Variants in UTS2R observed in about 807,000 individuals in gnomAD.
UTS2R encodes the protein urotensin-2 receptor.
For synonymous variants in UTS2R, 335 were observed against 280.9 expected (o/e 1.19, Z -1.93); for missense variants, 653 against 562.2 (o/e 1.16, Z -1.63).
intron 1 of UTS2R, among the ~76,000 whole-genome samples, 41 bp downstream of exon 1, chr17:82,372,088 C>A (rs934442390): frequency 5.9e-5 from 9 of 152,140 alleles, no homozygotes; most frequent in Non-Finnish European, 1.0e-4. Context: ...CGGGGACTGC[C>A]GGGTCTGTGC....
At position 82,375,618 on chromosome 17, in the gene UTS2R, C is replaced by G; in HGVS notation, c.*124C>G. On this transcript the variant is annotated 3_prime_UTR_variant, in exon 3 of 3. Coordinates refer to ENST00000313135, the MANE Select transcript of UTS2R (RefSeq NM_018949.3). The stretch of plus-strand genomic sequence containing the variant: ...TCCTCCGTCCCCTTCTGGAAAGATC[C>G]TGCTCGCTTCCCCTCAGCGCCCTTC... 2.0e-6 allele frequency: 1 copy of G among 509,502 alleles called. No homozygotes were observed. The highest frequency in any genetic ancestry group is 3.6e-5 in the East Asian group (1 of 28,088). The allele number at this position is 509,502 out of a possible 1,614,324, so 31.6% of individuals were successfully genotyped here. A position where few individuals can be genotyped will look rare whatever the true frequency, so the allele number is the denominator to read the frequency against.
rs551202676 is a variant in UTS2R, at chr17:82,374,370, G to A, written c.46G>A (p.Ala16Thr). 3.1e-5 allele frequency: 49 copies of A among 1,585,998 alleles called. No individual in the cohort carries two copies. Among genetic ancestry groups the A allele is most frequent in the African/African-American group, 9.4e-5 (7 of 74,530 alleles). ...ESPSSFPGLA[A>T]TGSSVPEPPG... ...CCCGAGCAGCTTCCCTGGGCTGGCC[G>A]CCACTGGCAGCTCTGTGCCGGAGCC... The change falls in exon 3 of 3, where the codon GCC becomes ACC. Residue 16 changes from alanine (A) to threonine (T), a missense_variant. Ala to Thr is a moderately conservative substitution (Grantham distance 58). Coordinates refer to ENST00000313135, the MANE Select transcript of UTS2R (RefSeq NM_018949.3).
In UTS2R at chr17:82,373,381, C is replaced by T. The variant is rs539944499; in HGVS notation, c.-83+598C>T. 1.5e-3 allele frequency among the ~76,000 whole-genome samples: 230 copies of T among 152,234 alleles called. 1 individual carries two copies. The highest frequency in any genetic ancestry group is 5.3e-3 in the African/African-American group (219 of 41,526). ...TTCGAGATGTTGGCCAGGCCGGTTT[C>T]GAACTCCTGACCTCAGGTGATCCAC... On this transcript the variant is annotated intron_variant, in intron 2 of 2. Coordinates refer to ENST00000313135, the MANE Select transcript of UTS2R (RefSeq NM_018949.3).
Position 82,375,051 on chromosome 17 carries a change from C to CA in UTS2R, c.727_728insA (p.Arg243GlnfsTer126). 3.5e-6 allele frequency: 5 copies of CA among 1,421,198 alleles called. No homozygotes were observed. The highest frequency in any genetic ancestry group is 4.6e-6 in the Non-Finnish European group (5 of 1,090,474). 88.0% of individuals were successfully genotyped at this position (1,421,198 alleles called of 1,614,324 possible). ...GGCCCGCGCCTACCGCCGCTCGCAGCGCGCCTCCTTCAAGCGGGCCCGGCG... is the reference window on the plus strand; with the variant it reads ...GGCCCGCGCCTACCGCCGCTCGCAGCAGCGCCTCCTTCAAGCGGGCCCGGCG... On this transcript the variant is annotated frameshift_variant, in exon 3 of 3. Transcript: ENST00000313135. LOFTEE classifies it low-confidence loss of function (END_TRUNC).
chr17:82,377,313 G>A lies in UTS2R; in HGVS notation c.*1819G>A, dbSNP rs2052504326. ...CCACTCCCTAATCTCAAGTACCCAGGGACACAAACACTGCGGAAGGCCGCA... is the reference window on the plus strand; with the variant it reads ...CCACTCCCTAATCTCAAGTACCCAGAGACACAAACACTGCGGAAGGCCGCA... On this transcript the variant is annotated 3_prime_UTR_variant, in exon 3 of 3. Transcript: ENST00000313135. Among the ~76,000 whole-genome samples the A allele has an allele frequency of 6.6e-6, 1 of 151,936 alleles. No homozygotes were observed. Among genetic ancestry groups the A allele is most frequent in the Non-Finnish European group, 1.5e-5 (1 of 67,972 alleles).
Position 82,374,532 on chromosome 17 carries a change from G to C in UTS2R, c.208G>C (p.Ala70Pro), listed in dbSNP as rs34442190. Residue 70 changes from alanine (A) to proline (P), a missense_variant, in exon 3 of 3, where the codon GCC becomes CCC. Physicochemically the swap from Ala to Pro is conservative, Grantham distance 27. Transcript: ENST00000313135. ...AMGVVGVVGN[A>P]YTLVVTCRSL... ...GGGCGTGGTGGGCGTGGTGGGCAAC[G>C]CCTACACGCTGGTGGTCACCTGCCG... The C allele has an allele frequency of 6.3e-7, 1 of 1,582,228 alleles. No homozygotes were observed. The highest frequency in any genetic ancestry group is 8.6e-7 in the Non-Finnish European group (1 of 1,165,084).
chr17:82,375,279 A>G lies in UTS2R; in HGVS notation c.955A>G (p.Thr319Ala). ...CAACCCCTTCCTCTACACGCTGCTCACCAGGAACTACCGCGACCACCTGCG... is the reference window on the plus strand; with the variant it reads ...CAACCCCTTCCTCTACACGCTGCTCGCCAGGAACTACCGCGACCACCTGCG... ...CANPFLYTLL[T>A]RNYRDHLRGR... The change falls in exon 3 of 3, where the codon ACC becomes GCC. Residue 319 changes from threonine to alanine, a missense_variant. Physicochemically the swap from Thr to Ala is moderately conservative, Grantham distance 58 (BLOSUM62 0). Coordinates refer to ENST00000313135, the MANE Select transcript of UTS2R (RefSeq NM_018949.3). 1 of 1,561,874 alleles carries G rather than the reference A, an allele frequency of 6.4e-7. No homozygotes were observed. The highest frequency in any genetic ancestry group is 8.7e-7 in the Non-Finnish European group (1 of 1,155,412).
At position 82,374,505 on chromosome 17, in the gene UTS2R, A is replaced by ATGGGCGTGG. The variant is rs760868278; in HGVS notation, c.196_204dup (p.Val66_Gly68dup). 27 of 1,588,008 alleles carry ATGGGCGTGG rather than the reference A, an allele frequency of 1.7e-5. No individual in the cohort carries two copies. The highest frequency in any genetic ancestry group is 5.4e-5 in the African/African-American group (4 of 74,542). On this transcript the variant is annotated inframe_insertion, in exon 3 of 3. Coordinates refer to ENST00000313135, the MANE Select transcript of UTS2R (RefSeq NM_018949.3). Reference sequence around the variant, plus strand: ...CACCATTGGGACTCTGCTGTCGGCCATGGGCGTGGTGGGCGTGGTGGGCAA... The same window carrying ATGGGCGTGG: ...CACCATTGGGACTCTGCTGTCGGCCATGGGCGTGGTGGGCGTGGTGGGCGTGGTGGGCAA...
chr17:82,373,394 T>C (rs1031180861), intron 2 of UTS2R, among the ~76,000 whole-genome samples: 15 of 152,178 alleles, frequency 9.9e-5, no homozygotes, highest in African/African-American at 3.6e-4. Context: ...ACTCCTGACC[T>C]CAGGTGATCC....
rs2052453420 is a variant in UTS2R, at chr17:82,371,802, A to G, written c.-514A>G. On this transcript the variant is annotated 5_prime_UTR_variant, in exon 1 of 3. Coordinates refer to ENST00000313135, the MANE Select transcript of UTS2R (RefSeq NM_018949.3). This position sits in a 1 kb window ranked among gnomAD's most constrained non-coding sequence, Gnocchi z 6.3. ...GGCGGCGGGCAGGTGGCGGCGGCGC[A>G]GAGACCCGGCGCGGGGCGGGGGGCG... is the stretch of plus-strand genomic sequence containing the variant. Among the ~76,000 whole-genome samples the G allele has an allele frequency of 6.6e-6, 1 of 151,122 alleles. No individual in the cohort carries two copies. The highest frequency in any genetic ancestry group is 1.5e-5 in the Non-Finnish European group (1 of 67,704).
At position 82,374,706 on chromosome 17, in the gene UTS2R, G is replaced by C. The variant is rs200852955; in HGVS notation, c.382G>C (p.Gly128Arg). 1.1e-5 allele frequency: 18 copies of C among 1,613,110 alleles called. No homozygotes were observed. The highest frequency in any genetic ancestry group is 1.5e-5 in the Non-Finnish European group (18 of 1,179,918). Residue 128 changes from glycine to arginine, a missense_variant, in exon 3 of 3, where the codon GGC (glycine) becomes CGC (arginine). Transcript: ENST00000313135. ...FGDVGCRVLF[G>R]LDFLTMHASI... ...GGACGTGGGCTGCCGCGTGCTCTTC[G>C]GCCTGGACTTCCTGACCATGCACGC...
chr17:82,374,156 G>T (rs1043705462), intron 2 of UTS2R, 87 bp from the exon 3 acceptor site: 1 of 609,076 alleles, frequency 1.6e-6, no homozygotes, highest in East Asian at 2.8e-5. Context: ...GGGCACTGGG[G>T]AGCCCACGTG....
Position 82,374,962 on chromosome 17 carries a change from C to T in UTS2R, c.638C>T (p.Thr213Met), listed in dbSNP as rs2052480229. Residue 213 changes from threonine to methionine, a missense_variant, in exon 3 of 3, where the codon ACG becomes ATG. Thr to Met is a moderately conservative substitution (Grantham distance 81). Transcript: ENST00000313135. ...WGPRAHRAYL[T>M]LLFATSIAGP... is the part of the protein sequence containing the mutation. ...CCGCGCGCCCACCGCGCCTACCTGA[C>T]GCTGCTCTTCGCCACCAGCATCGCG... The T allele has an allele frequency of 8.7e-7, 1 of 1,147,540 alleles. No individual in the cohort carries two copies. The allele number at this position is 1,147,540 out of a possible 1,614,324, so 71.1% of individuals were successfully genotyped here. A position where few individuals can be genotyped will look rare whatever the true frequency, so the allele number is the denominator to read the frequency against.
Position 82,374,411 on chromosome 17 carries a change from C to G in UTS2R, c.87C>G (p.Asn29Lys). The change falls in exon 3 of 3, where the codon AAC becomes AAG. Residue 29 changes from asparagine (N) to lysine (K), a missense_variant. Coordinates refer to ENST00000313135, the MANE Select transcript of UTS2R (RefSeq NM_018949.3). ...TGCCGGAGCCGCCTGGCGGCCCCAACGCAACCCTCAACAGCTCCTGGGCCA... is the reference window on the plus strand; with the variant it reads ...TGCCGGAGCCGCCTGGCGGCCCCAAGGCAACCCTCAACAGCTCCTGGGCCA... ...SSVPEPPGGPNATLNSSWASP... is the reference protein window; with the variant it reads ...SSVPEPPGGPKATLNSSWASP... The G allele has an allele frequency of 3.8e-6, 6 of 1,596,550 alleles. No homozygotes were observed. Among genetic ancestry groups the G allele is most frequent in the South Asian group, 1.1e-5 (1 of 89,676 alleles).
In UTS2R at chr17:82,374,049, C is replaced by T. The variant is rs114878871; in HGVS notation, c.-82-194C>T. Among the ~76,000 whole-genome samples, 937 of 97,220 alleles carry T rather than the reference C, an allele frequency of 9.6e-3. 12 individuals carry two copies. Among genetic ancestry groups the T allele is most frequent in the African/African-American group, 0.034 (871 of 25,692 alleles). 63.8% of individuals were successfully genotyped at this position (97,220 alleles called of 152,430 possible). A position where few individuals can be genotyped will look rare whatever the true frequency, so the allele number is the denominator to read the frequency against. ...GGGGGGGGCAGGGGTCCTGCTGGGG[C>T]ATGCGGGGGTCGGGGAGGGGGGTTG... On this transcript the variant is annotated intron_variant, in intron 2 of 2. Transcript: ENST00000313135.
Position 82,377,237 on chromosome 17 carries a change from G to A in UTS2R, c.*1743G>A, listed in dbSNP as rs1440352068. 6.6e-6 allele frequency among the ~76,000 whole-genome samples: 1 copy of A among 152,160 alleles called. No homozygotes were observed. The highest frequency in any genetic ancestry group is 1.5e-5 in the Non-Finnish European group (1 of 68,034). ...GAATGGATTAAGGGCGGTGCAAGAT[G>A]TGCTTTGTTAAACAGATGCTTGAAG... On this transcript the variant is annotated 3_prime_UTR_variant, in exon 3 of 3. Transcript: ENST00000313135.
chr17:82,372,171 C>CGG (rs2143102758), intron 1 of UTS2R, among the ~76,000 whole-genome samples, 124 bp downstream of exon 1: 1 of 152,276 alleles, frequency 6.6e-6, no homozygotes, highest in African/African-American at 2.4e-5. Context: ...GGAGCGGGGT[C>CGG]CAGCGAGGCG....
chr17:82,375,345 C>G lies in UTS2R; in HGVS notation c.1021C>G (p.Pro341Ala). Residue 341 changes from proline to alanine, a missense_variant, in exon 3 of 3, where the codon CCC (proline) becomes GCC (alanine). Coordinates refer to ENST00000313135, the MANE Select transcript of UTS2R (RefSeq NM_018949.3). ...CCCGGGCAGCGGGGGAGGCCGGGGG[C>G]CCGTTCCCTCCCTGCAGCCCCGCGC... is the stretch of plus-strand genomic sequence containing the variant. ...RGPGSGGGRG[P>A]VPSLQPRARF... 1 of 1,566,958 alleles carries G rather than the reference C, an allele frequency of 6.4e-7. No individual in the cohort carries two copies. Among genetic ancestry groups the G allele is most frequent in the Non-Finnish European group, 8.6e-7 (1 of 1,160,180 alleles).
intron 2 of UTS2R, among the ~76,000 whole-genome samples, chr17:82,373,483 C>A (rs2052464048): frequency 6.6e-6 from 1 of 152,216 alleles, no homozygotes; most frequent in Non-Finnish European, 1.5e-5. Context: ...TTCTGATGAT[C>A]TCCTAGCCTG....
Sources: allele counts gnomAD v4.1 joint callset (sites outside exome capture counted in the v4.1 genomes callset), GRCh38; gene constraint gnomAD v4.1.1; non-coding constraint Gnocchi (gnomAD v3.1); transcripts MANE v1.5; gene names NCBI Gene and HGNC (gene_info 2026-07-23, HGNC 2026-07-21).